ZNF41: variants seen among roughly 807,000 people sequenced by gnomAD.
ZNF41 encodes the protein zinc finger protein 41.
ZNF41 carries 6 observed loss-of-function variants against 9.3 expected under a neutral mutation model. The ratio of observed to expected loss-of-function variants is 0.65; its 90% CI spans 0.35 to 1.28. The LOEUF (loss-of-function observed/expected upper bound fraction) is 1.28, where lower values mean the gene tolerates loss of function less well. Among genes scored for constraint, ZNF41 ranks in the 50% most tolerant of loss-of-function variants. ZNF41 has a pLI of 0.03. For missense variants in ZNF41, 523 were observed against 585.8 expected (o/e 0.89, Z 1.11); for synonymous variants, 192 against 207.1 (o/e 0.93, Z 0.63).
chrX:47,482,472 A>C (rs1265783470), intron 1 of ZNF41: 1 of 112,639 alleles, frequency 8.9e-6, no homozygotes, highest in East Asian at 2.8e-4. Flanking sequence ...CAGAGCCTTA[A>C]GTCCTGAAAA....
intron 1 of ZNF41, among the ~76,000 whole-genome samples, chrX:47,473,130 C>G (rs1156268717): frequency 9.1e-6 from 1 of 109,822 alleles, no homozygotes; most frequent in Non-Finnish European, 1.9e-5. Flanking sequence ...CTCAAGTAAT[C>G]GTCCTGCCTC....
chrX:47,449,374 A>G lies in ZNF41; in HGVS notation c.396T>C (p.Ser132=). 8.3e-7 allele frequency: 1 copy of G among 1,211,765 alleles called. No individual in the cohort carries two copies. Among genetic ancestry groups the G allele is most frequent in the South Asian group, 1.8e-5 (1 of 56,999 alleles). ...TATCTTGCCACAGTTCTTCTAAAAT[A>G]GAACATAATGAATCTTCTCCTATGG... ...DQPIGEDSLC[S]ILEELWQDND... is the part of the protein sequence containing the mutation. The change falls in exon 5 of 5, where the codon TCT becomes TCC. Residue 132 remains serine, a synonymous_variant. Transcript: ENST00000684689.
intron 1 of ZNF41, among the ~76,000 whole-genome samples, chrX:47,475,433 C>T (rs1041951993): frequency 1.8e-5 from 2 of 111,050 alleles, no homozygotes; most frequent in African/African-American, 6.5e-5. Context: ...TGTATATAGT[C>T]GAACTTAAGA....
Position 47,448,172 on chromosome X carries a change from G to A in ZNF41, c.1598C>T (p.Thr533Ile). 1 of 1,211,931 alleles carries A rather than the reference G, an allele frequency of 8.3e-7. No homozygotes were observed. The highest frequency in any genetic ancestry group is 1.8e-5 in the South Asian group (1 of 57,020). ...GTGTTTAATGAGATTTGACTGGTCA[G>A]TAAAAGCCTTTCCACATTCAGCACA... is the stretch of plus-strand genomic sequence containing the variant. ...YMCAECGKAF[T>I]DQSNLIKHQK... is the part of the protein sequence containing the mutation. The change falls in exon 5 of 5, where the codon ACT becomes ATT. Residue 533 changes from threonine to isoleucine, a missense_variant. Transcript: ENST00000684689.
chrX:47,446,171 G>T lies in ZNF41; in HGVS notation c.*1259C>A, dbSNP rs1481570113. On this transcript the variant is annotated 3_prime_UTR_variant, in exon 5 of 5. Coordinates refer to ENST00000684689, the MANE Select transcript of ZNF41 (RefSeq NM_001324144.2). ...TAAAAATACAATTGCATGCTAGAAA[G>T]AAAGTTCCTTTTTATGAGTATTGTA... 2 of 111,773 alleles carry T rather than the reference G, an allele frequency of 1.8e-5. No homozygotes were observed. The highest frequency in any genetic ancestry group is 5.6e-4 in the East Asian group (2 of 3,595). 9.2% of individuals were successfully genotyped at this position (111,773 alleles called of 1,213,427 possible). A position where few individuals can be genotyped will look rare whatever the true frequency, so the allele number is the denominator to read the frequency against.
intron 4 of ZNF41, among the ~76,000 whole-genome samples, chrX:47,450,689 C>T (rs2056331868): frequency 8.9e-6 from 1 of 111,998 alleles, no homozygotes; most frequent in Non-Finnish European, 1.9e-5. Context: ...ATGTTCTCAG[C>T]AGTGGAATAT....
At chrX:47,466,877 CCTA>C (rs200940302) in intron 2 of ZNF41, among the ~76,000 whole-genome samples, 1,518 of 111,348 alleles carry the variant, frequency 0.014, 26 homozygotes, top group African/African-American at 0.047. Flanking sequence ...CTGTGGTGGC[CCTA>C]CTACCCTGCC....
intron 1 of ZNF41, among the ~76,000 whole-genome samples, chrX:47,472,978 C>T (rs1024676826): frequency 3.6e-5 from 4 of 109,979 alleles, no homozygotes; most frequent in African/African-American, 1.3e-4. Flanking sequence ...GCCTCGGCCC[C>T]CCAAAGTGCT....
chrX:47,458,761 GCTT>G (rs1381074412), intron 2 of ZNF41, among the ~76,000 whole-genome samples: 3 of 108,946 alleles, frequency 2.8e-5, no homozygotes, highest in Admixed American at 9.8e-5. Flanking sequence ...ACCATATGCT[GCTT>G]CGTTTTTTTT....
At position 47,448,866 on chromosome X, in the gene ZNF41, C is replaced by A. The variant is rs199838658; in HGVS notation, c.904G>T (p.Asp302Tyr). Residue 302 changes from aspartate (D) to tyrosine (Y), a missense_variant, in exon 5 of 5, where the codon GAC becomes TAC. Transcript: ENST00000684689. ...TGGGGGAAGACTTTGTTGCTTTTGT[C>A]ACATTCACGGGACTTTTCTCCAGCA... ...IHAGEKSREC[D>Y]KSNKVFPQKP... 12 of 1,209,580 alleles carry A rather than the reference C, an allele frequency of 9.9e-6. No individual in the cohort carries two copies. The highest frequency in any genetic ancestry group is 1.2e-5 in the Non-Finnish European group (11 of 895,222).
rs1238664776 is a variant in ZNF41 at position 47,448,790 on chromosome X, T to C, written c.980A>G (p.Tyr327Cys). The change falls in exon 5 of 5, where the codon TAT becomes TGT. Residue 327 changes from tyrosine (Y) to cysteine (C), a missense_variant. Coordinates refer to ENST00000684689, the MANE Select transcript of ZNF41 (RefSeq NM_001324144.2). ...HPSVYTGEKP[Y>C]LCTQCGKVFT... ...GACTTTCCCACATTGAGTACACAGATAGGGTTTTTCTCCTGTATAAACACT... is the reference window on the plus strand; with the variant it reads ...GACTTTCCCACATTGAGTACACAGACAGGGTTTTTCTCCTGTATAAACACT... 8.3e-7 allele frequency: 1 copy of C among 1,210,070 alleles called. No individual in the cohort carries two copies. The highest frequency in any genetic ancestry group is 3.0e-5 in the East Asian group (1 of 33,795).
rs932930224 is a variant in ZNF41, at chrX:47,483,133, G to T, written c.-318C>A. Among the ~76,000 whole-genome samples the T allele has an allele frequency of 3.6e-5, 4 of 112,470 alleles. No individual in the cohort carries two copies. Among genetic ancestry groups the T allele is most frequent in the Non-Finnish European group, 7.5e-5 (4 of 53,177 alleles). On this transcript the variant is annotated 5_prime_UTR_variant, in exon 1 of 5. Coordinates refer to ENST00000684689, the MANE Select transcript of ZNF41 (RefSeq NM_001324144.2). The stretch of plus-strand genomic sequence containing the variant: ...TGGCTACATTTCCGACCTGGACCCC[G>T]GCCGGCTGCGGGAAACACTCGGCGT...
chrX:47,465,500 A>G (rs2056953773), intron 2 of ZNF41, among the ~76,000 whole-genome samples: 1 of 112,544 alleles, frequency 8.9e-6, no homozygotes, highest in Non-Finnish European at 1.9e-5. Context: ...TACAATGTAT[A>G]CAAATATCAA....
intron 2 of ZNF41, among the ~76,000 whole-genome samples, chrX:47,459,764 A>AAAAAAG (rs1456368840): frequency 1.6e-3 from 161 of 101,081 alleles, no homozygotes; most frequent in African/African-American, 6.0e-3. Flanking sequence ...AAAAAAAAAA[A>AAAAAAG]AAAGAAAGAA....
At chrX:47,460,909 C>T (rs1285914098) in intron 2 of ZNF41, among the ~76,000 whole-genome samples, 1 of 110,174 alleles carries the variant, frequency 9.1e-6, no homozygotes, top group Non-Finnish European at 1.9e-5. Flanking sequence ...ATATATATGC[C>T]CACGTGGAAT....
intron 1 of ZNF41, among the ~76,000 whole-genome samples, chrX:47,479,938 T>C (rs1420922493): frequency 1.8e-5 from 2 of 110,458 alleles, no homozygotes; most frequent in Non-Finnish European, 3.8e-5. Context: ...CTACTAAAAA[T>C]ACAAAAATTA....
In ZNF41 at chrX:47,448,825, A is replaced by C. The variant is rs2498170; in HGVS notation, c.945T>G (p.Asp315Glu). The stretch of plus-strand genomic sequence containing the variant: ...CTCCTGTATAAACACTTGGATGTAC[A>C]TCAACCTGGGGTTTCTGGGGGAAGA... ...NKVFPQKPQV[D>E]VHPSVYTGEK... Residue 315 changes from aspartate to glutamate, a missense_variant, in exon 5 of 5, where the codon GAT (aspartate) becomes GAG (glutamate). By Grantham distance (45) the Asp-to-Glu change is conservative (BLOSUM62 2). Transcript: ENST00000684689. 14,504 of 1,209,986 alleles carry C rather than the reference A, an allele frequency of 0.012. 80 individuals carry two copies. Among genetic ancestry groups the C allele is most frequent in the Middle Eastern group, 0.014 (62 of 4,352 alleles).
At chrX:47,452,830 G>C (rs2147528223) in intron 4 of ZNF41, among the ~76,000 whole-genome samples, 1 of 111,345 alleles carries the variant, frequency 9.0e-6, no homozygotes, top group East Asian at 2.8e-4. Context: ...GATCTCAGGT[G>C]ATCCACCTGC....
intron 2 of ZNF41, among the ~76,000 whole-genome samples, chrX:47,459,485 G>A (rs934314853): frequency 1.2e-4 from 13 of 109,913 alleles, no homozygotes; most frequent in African/African-American, 3.6e-4. Flanking sequence ...GCTCACACCT[G>A]TAACCCCAGC....
Sources: gnomAD v4.1 joint callset for allele counts (sites outside exome capture counted in the v4.1 genomes callset) on GRCh38, gnomAD v4.1.1 for gene constraint, MANE v1.5 for transcripts, NCBI Gene and HGNC (gene_info 2026-07-23, HGNC 2026-07-21) for gene names.